ITGBL1: variants seen among roughly 807,000 people sequenced by gnomAD.
ITGBL1 encodes the protein integrin beta-like protein 1.
A neutral mutation model predicts 68.5 loss-of-function variants in ITGBL1; 51 were observed. That is an observed-to-expected ratio of 0.74 (90% CI 0.59 to 0.94). The LOEUF (loss-of-function observed/expected upper bound fraction) is 0.94, where lower values mean the gene tolerates loss of function less well. Among genes scored for constraint, ITGBL1 ranks in the 40% least tolerant of loss-of-function variants. The probability of loss-of-function intolerance (pLI) is 0.00; values close to 1 mark genes in which losing one functional copy is unlikely to be tolerated. For missense variants in ITGBL1, 649 were observed against 647.4 expected (o/e 1.00, Z -0.03); for synonymous variants, 209 against 227.3 (o/e 0.92, Z 0.72).
Position 101,684,955 on chromosome 13 carries a change from G to A in ITGBL1, c.1016-7630G>A, listed in dbSNP as rs191933260. ...GGTTGAATAATATAAAATTGATGAC[G>A]TCTGACTATTTTTGACTTATAAAAA... is the stretch of plus-strand genomic sequence containing the variant. On this transcript the variant is annotated intron_variant, in intron 7 of 10. Transcript: ENST00000376180. Among the ~76,000 whole-genome samples, 57 of 151,792 alleles carry A rather than the reference G, an allele frequency of 3.8e-4. No homozygotes were observed. In the East Asian group the frequency reaches 8.3e-3, roughly 22 times the overall value.
At chr13:101,689,364 T>C (rs1354676607) in intron 7 of ITGBL1, among the ~76,000 whole-genome samples, 2 of 152,080 alleles carry the variant, frequency 1.3e-5, no homozygotes, top group South Asian at 4.1e-4. Context: ...ATTTACCTGA[T>C]AGGTATATGA....
At chr13:101,632,860 G>A (rs2032031237) in intron 7 of ITGBL1, among the ~76,000 whole-genome samples, 2 of 152,158 alleles carry the variant, frequency 1.3e-5, no homozygotes, top group Admixed American at 6.6e-5. Flanking sequence ...ACTAAGTCTA[G>A]CCTTCAGTTT....
Position 101,691,102 on chromosome 13 carries a change from C to T in ITGBL1, c.1016-1483C>T, listed in dbSNP as rs187234694. ...TTGCATTTGCCACACTGCCCACAGA[C>T]GTTGTGCCTTTGCTTTCACCCTCAA... On this transcript the variant is annotated intron_variant, in intron 7 of 10. Transcript: ENST00000376180. 1.1e-4 allele frequency among the ~76,000 whole-genome samples: 16 copies of T among 152,266 alleles called. 1 individual carries two copies. Among genetic ancestry groups the T allele is most frequent in the African/African-American group, 3.4e-4 (14 of 41,552 alleles).
intron 3 of ITGBL1, among the ~76,000 whole-genome samples, chr13:101,569,597 G>T (rs138778217): frequency 8.0e-4 from 121 of 152,148 alleles, no homozygotes; most frequent in African/African-American, 2.8e-3. Context: ...TCTCTCTTTA[G>T]TCTTCTTTAA....
At chr13:101,481,002 A>ATGTGTGTG (rs71121195) in intron 2 of ITGBL1, among the ~76,000 whole-genome samples, 17 of 143,316 alleles carry the variant, frequency 1.2e-4, no homozygotes, top group South Asian at 2.2e-4. Context: ...GCCAAAAGAT[A>ATGTGTGTG]TGTGTGTGTG....
At chr13:101,692,461 T>C (rs2033901175) in intron 7 of ITGBL1, 124 bp from the exon 8 acceptor site, 4 of 679,424 alleles carry the variant, frequency 5.9e-6, no homozygotes, top group Non-Finnish European at 1.1e-5. Context: ...TTTGTGTAAC[T>C]ATTATCAGGC....
chr13:101,492,602 CTCT>C lies in ITGBL1; in HGVS notation c.316+38509_316+38511del, dbSNP rs1242780853. Among the ~76,000 whole-genome samples, 4 of 152,270 alleles carry C rather than the reference CTCT, an allele frequency of 2.6e-5. No homozygotes were observed. The East Asian group carries it at 5.8e-4, about 22-fold the overall frequency. ...CACTTCTGTGGGTCTACTCCTCTGC[CTCT>C]TCTTCTCTGTTCCCTCTTTCCTTTG... is the stretch of plus-strand genomic sequence containing the variant. On this transcript the variant is annotated intron_variant, in intron 2 of 10. Transcript: ENST00000376180.
At chr13:101,590,980 T>A (rs960836949) in intron 6 of ITGBL1, among the ~76,000 whole-genome samples, 1 of 152,100 alleles carries the variant, frequency 6.6e-6, no homozygotes, top group African/African-American at 2.4e-5. Flanking sequence ...CTCGGCTCAC[T>A]GCAACCTCCG....
At chr13:101,615,420 A>G (rs1182462691) in intron 7 of ITGBL1, among the ~76,000 whole-genome samples, 1 of 152,198 alleles carries the variant, frequency 6.6e-6, no homozygotes, top group Non-Finnish European at 1.5e-5. Flanking sequence ...CGCTTCTACC[A>G]GAGATATTTA....
At chr13:101,654,420 G>T (rs118191077) in intron 7 of ITGBL1, among the ~76,000 whole-genome samples, 2 of 152,212 alleles carry the variant, frequency 1.3e-5, no homozygotes, top group Non-Finnish European at 2.9e-5. Context: ...TCAGGTAGAA[G>T]ATGATGGTGG....
At chr13:101,558,463 AT>A (rs978129591) in intron 2 of ITGBL1, among the ~76,000 whole-genome samples, 2 of 152,164 alleles carry the variant, frequency 1.3e-5, no homozygotes, top group African/African-American at 2.4e-5. Context: ...CTGAATCTAA[AT>A]TTTTTAAAAA....
intron 2 of ITGBL1, among the ~76,000 whole-genome samples, chr13:101,471,808 G>A (rs1027601243): frequency 6.6e-6 from 1 of 151,944 alleles, no homozygotes; most frequent in Non-Finnish European, 1.5e-5. Context: ...CTGGGCAAAA[G>A]GAGCCACAGG....
intron 2 of ITGBL1, among the ~76,000 whole-genome samples, chr13:101,539,050 CTTTTTTTTTT>C (rs35288585): frequency 2.0e-5 from 2 of 99,624 alleles, no homozygotes; most frequent in South Asian, 4.1e-4. Context: ...TGTGCTGCTT[CTTTTTTTTTT>C]TTTTTTTTTT....
intron 7 of ITGBL1, among the ~76,000 whole-genome samples, chr13:101,616,965 T>G (rs1482377156): frequency 2.6e-5 from 4 of 152,174 alleles, no homozygotes; most frequent in Non-Finnish European, 4.4e-5. Context: ...GGCACAAATA[T>G]ATTGTGTTTA....
intron 2 of ITGBL1, among the ~76,000 whole-genome samples, chr13:101,482,197 T>C (rs17623509): frequency 0.054 from 8,274 of 152,272 alleles, 283 homozygotes; most frequent in South Asian, 0.13. Flanking sequence ...AAATTTTTAT[T>C]TGTAGGTATC....
chr13:101,618,166 A>G (rs2031440470), intron 7 of ITGBL1, among the ~76,000 whole-genome samples: 2 of 152,286 alleles, frequency 1.3e-5, no homozygotes, highest in South Asian at 4.1e-4. Context: ...ATGGGGGGAA[A>G]TTATGTTTAG....
chr13:101,604,881 T>TAC (rs1292236214), intron 7 of ITGBL1, among the ~76,000 whole-genome samples: 268 of 14,238 alleles, frequency 0.019, 4 homozygotes, highest in East Asian at 0.076. Flanking sequence ...TATATATATA[T>TAC]ATATATACAC....
At chr13:101,600,147 C>T (rs567445678) in intron 7 of ITGBL1, among the ~76,000 whole-genome samples, 5 of 152,212 alleles carry the variant, frequency 3.3e-5, no homozygotes, top group Admixed American at 3.3e-4. Context: ...TGAAGAGGTC[C>T]TTCACATCCC....
chr13:101,609,102 TA>T (rs1173954694), intron 7 of ITGBL1, among the ~76,000 whole-genome samples: 27 of 152,110 alleles, frequency 1.8e-4, no homozygotes, highest in African/African-American at 6.5e-4. Flanking sequence ...TAGCCCATAA[TA>T]GTAATATTAT....
Sources: gnomAD v4.1 joint callset for allele counts (sites outside exome capture counted in the v4.1 genomes callset) on GRCh38, gnomAD v4.1.1 for gene constraint, MANE v1.5 for transcripts, NCBI Gene and HGNC (gene_info 2026-07-23, HGNC 2026-07-21) for gene names.